The following ZRANB3 variants were observed in gnomAD, a reference collection of about 807,000 sequenced individuals.
ZRANB3 encodes the protein DNA annealing helicase and endonuclease ZRANB3.
Under a neutral mutation model 133.8 loss-of-function variants are expected in ZRANB3, and 125 were observed. The ratio of observed to expected loss-of-function variants is 0.93; its 90% CI spans 0.81 to 1.08. The LOEUF (loss-of-function observed/expected upper bound fraction) is 1.08, where lower values mean the gene tolerates loss of function less well. Among genes scored for constraint, ZRANB3 ranks in the 50% least tolerant of loss-of-function variants. ZRANB3 has a pLI of 0.00. For synonymous variants in ZRANB3, 387 were observed against 432.7 expected (o/e 0.89, Z 1.31); for missense variants, 1,229 against 1,275.5 (o/e 0.96, Z 0.56).
chr2:135,322,208 A>G (rs1216462446), intron 6 of ZRANB3, among the ~76,000 whole-genome samples: 2 of 152,174 alleles, frequency 1.3e-5, no homozygotes, highest in African/African-American at 2.4e-5. Flanking sequence ...TCTAGATTCT[A>G]TATGTTCCAG....
chr2:135,504,534 A>T, intron 1 of ZRANB3, 38 bp from the exon 2 acceptor site: 1 of 1,545,384 alleles, frequency 6.5e-7, no homozygotes, highest in Non-Finnish European at 8.8e-7. Flanking sequence ...GAGGGGTATA[A>T]GAAATAGATA....
rs991495505 is a variant in ZRANB3 at position 135,461,811 on chromosome 2, T to C, written c.161+42518A>G. 3.3e-5 allele frequency among the ~76,000 whole-genome samples: 5 copies of C among 152,306 alleles called. No individual in the cohort carries two copies. The South Asian group carries it at 6.2e-4, about 19-fold the overall frequency. ...CTTTGTCTGAGAAACCTTAAATTCA[T>C]TGAATCTAGTTTCTTCACTAGCAAA... is the stretch of plus-strand genomic sequence containing the variant. On this transcript the variant is annotated intron_variant, in intron 2 of 20. Transcript: ENST00000264159.
At position 135,313,611 on chromosome 2, in the gene ZRANB3, T is replaced by TG. The variant is rs754580745; in HGVS notation, c.850-7dup. The stretch of plus-strand genomic sequence containing the variant: ...TCAAAGCTGGTATTCAATTCCTATG[T>TG]GGGAAAAAATAACACTGTTTATGAA... On this transcript the variant is annotated splice_region_variant and splice_polypyrimidine_tract_variant and intron_variant, in intron 7 of 20. Transcript: ENST00000264159. 3 of 1,578,780 alleles carry TG rather than the reference T, an allele frequency of 1.9e-6. No individual in the cohort carries two copies. The highest frequency in any genetic ancestry group is 2.2e-5 in the South Asian group (2 of 89,438).
chr2:135,516,507 A>C (rs1028444615), intron 1 of ZRANB3, among the ~76,000 whole-genome samples: 2 of 152,116 alleles, frequency 1.3e-5, no homozygotes, highest in African/African-American at 4.8e-5. Context: ...AAAGGATTTT[A>C]TTTCACCTTC....
At chr2:135,328,236 C>T (rs1683941912) in intron 6 of ZRANB3, among the ~76,000 whole-genome samples, 1 of 143,906 alleles carries the variant, frequency 6.9e-6, no homozygotes, top group South Asian at 2.3e-4. Flanking sequence ...CCCCAACAGG[C>T]CCCCATGTGT....
At position 135,227,842 on chromosome 2, in the gene ZRANB3, C is replaced by T; in HGVS notation, c.2128G>A (p.Glu710Lys). Residue 710 changes from glutamate to lysine, a missense_variant, in exon 14 of 21, where the codon GAA becomes AAA. Glu to Lys is a moderately conservative substitution (Grantham distance 56). Transcript: ENST00000264159. ...SKEETPKIEK[E>K]DGLTSQPGNE... ...CCTGGCTGGGATGTAAGTCCGTCTT[C>T]TTTCTCAATTTTTGGTGTTTCTTCC... The T allele has an allele frequency of 6.3e-7, 1 of 1,577,270 alleles. No homozygotes were observed. The highest frequency in any genetic ancestry group is 8.6e-7 in the Non-Finnish European group (1 of 1,159,540).
chr2:135,300,198 T>A lies in ZRANB3; in HGVS notation c.966+13291A>T, dbSNP rs1200724413. Among the ~76,000 whole-genome samples the A allele has an allele frequency of 3.3e-5, 5 of 152,340 alleles. No homozygotes were observed. The East Asian group carries it at 9.6e-4, about 29-fold the overall frequency. On this transcript the variant is annotated intron_variant, in intron 8 of 20. Transcript: ENST00000264159. ...TGTATTTATTATGGAATTATAGCCT[T>A]TGAAAAACTAAACACCACAAATAAT...
At chr2:135,213,832 T>C (rs1694198653) in intron 17 of ZRANB3, among the ~76,000 whole-genome samples, 2 of 152,100 alleles carry the variant, frequency 1.3e-5, no homozygotes, top group South Asian at 4.2e-4. Flanking sequence ...TCAGCTCACT[T>C]TAAGATAGGG....
At chr2:135,351,501 A>G (rs1362879733) in intron 4 of ZRANB3, among the ~76,000 whole-genome samples, 1 of 152,068 alleles carries the variant, frequency 6.6e-6, no homozygotes, top group African/African-American at 2.4e-5. Flanking sequence ...CTGGCCTCCC[A>G]AAGTGCTGGG....
rs981287293 is a variant in ZRANB3, at chr2:135,355,666, A to G, written c.181-2038T>C. Among the ~76,000 whole-genome samples, 13 of 152,064 alleles carry G rather than the reference A, an allele frequency of 8.5e-5. 1 individual carries two copies. The highest frequency in any genetic ancestry group is 7.2e-4 in the Admixed American group (11 of 15,250). On this transcript the variant is annotated intron_variant, in intron 3 of 20. Transcript: ENST00000264159. ...GCCACCGCGCCCGGCCAACAATTACAGATCTTTACCTGGCTAGAGTTATTC... is the reference window on the plus strand; with the variant it reads ...GCCACCGCGCCCGGCCAACAATTACGGATCTTTACCTGGCTAGAGTTATTC...
intron 6 of ZRANB3, among the ~76,000 whole-genome samples, chr2:135,332,048 T>C (rs892205617): frequency 2.6e-5 from 4 of 152,076 alleles, no homozygotes; most frequent in Non-Finnish European, 5.9e-5. Flanking sequence ...TAGCAGATGA[T>C]AGCATTCATT....
rs185403536 is a variant in ZRANB3, at chr2:135,502,758, T to C, written c.161+1571A>G. ...CTGAGGACCGTTAACACTGTGAATA[T>C]GGAAGAGTACAACTTTTCTAACTCC... On this transcript the variant is annotated intron_variant, in intron 2 of 20. Transcript: ENST00000264159. 3.9e-5 allele frequency among the ~76,000 whole-genome samples: 6 copies of C among 152,322 alleles called. No individual in the cohort carries two copies. In the East Asian group the frequency reaches 1.2e-3, roughly 29 times the overall value.
At chr2:135,358,461 A>C (rs1315248046) in intron 3 of ZRANB3, among the ~76,000 whole-genome samples, 1 of 152,206 alleles carries the variant, frequency 6.6e-6, no homozygotes, top group Non-Finnish European at 1.5e-5. Context: ...CTGAAAAGGA[A>C]AAAACAAATT....
At chr2:135,349,953 T>G (rs1685124170) in intron 5 of ZRANB3, 31 bp downstream of exon 5, 1 of 1,599,424 alleles carries the variant, frequency 6.3e-7, no homozygotes, top group African/African-American at 1.3e-5. Flanking sequence ...CCTTCTCTTC[T>G]TTTAAGTTCG....
chr2:135,222,632 G>A (rs1694600215), intron 15 of ZRANB3, among the ~76,000 whole-genome samples: 1 of 151,980 alleles, frequency 6.6e-6, no homozygotes, highest in African/African-American at 2.4e-5. Context: ...ACGCAGAGAT[G>A]GATATGGGAA....
chr2:135,488,549 T>C (rs1161405383), intron 2 of ZRANB3, among the ~76,000 whole-genome samples: 1 of 151,756 alleles, frequency 6.6e-6, no homozygotes, highest in Non-Finnish European at 1.5e-5. Context: ...TATAGCATAC[T>C]ATATTTGAAT....
intron 7 of ZRANB3, 110 bp downstream of exon 7, chr2:135,315,249 T>G: frequency 8.9e-7 from 1 of 1,121,972 alleles, no homozygotes; most frequent in Non-Finnish European, 1.1e-6. Context: ...ATTAAACCTA[T>G]TTTAAGAAAG....
chr2:135,405,560 A>G (rs1469682247), intron 2 of ZRANB3, among the ~76,000 whole-genome samples: 4 of 152,224 alleles, frequency 2.6e-5, no homozygotes, highest in African/African-American at 9.6e-5. Flanking sequence ...AATTGACCAC[A>G]TAGTTGGAAG....
At chr2:135,298,669 G>C (rs191688930) in intron 8 of ZRANB3, among the ~76,000 whole-genome samples, 1 of 152,302 alleles carries the variant, frequency 6.6e-6, no homozygotes, top group African/African-American at 2.4e-5. Context: ...CCTGTGATGT[G>C]ATCAGTCTTC....
Sources: gnomAD v4.1 joint callset for allele counts (sites outside exome capture counted in the v4.1 genomes callset) on GRCh38, gnomAD v4.1.1 for gene constraint, MANE v1.5 for transcripts, NCBI Gene and HGNC (gene_info 2026-07-23, HGNC 2026-07-21) for gene names.